The following PCDHGA2 variants were observed in gnomAD, a reference collection of about 807,000 sequenced individuals.
PCDHGA2 encodes the protein protocadherin gamma subfamily A, 2.
In PCDHGA2, 40 loss-of-function variants were observed where a neutral mutation model predicts 59.2. That is an observed-to-expected ratio of 0.68 (90% confidence interval 0.52 to 0.88). PCDHGA2 has a LOEUF of 0.88. PCDHGA2 is among the 40% of genes least tolerant of loss of function. PCDHGA2 has a pLI of 0.00. For synonymous variants in PCDHGA2, 560 were observed against 526.0 expected (o/e 1.06, Z -0.89); for missense variants, 1,226 against 1,204.0 (o/e 1.02, Z -0.27).
chr5:141,414,148 G>A, intron 1 of PCDHGA2: 1 of 1,598,900 alleles, frequency 6.3e-7, no homozygotes, highest in Non-Finnish European at 8.5e-7. Flanking sequence ...AGAAATACAA[G>A]CAGAAGATGG....
chr5:141,393,657 C>G, intron 1 of PCDHGA2: 1 of 1,613,862 alleles, frequency 6.2e-7, no homozygotes, highest in Non-Finnish European at 8.5e-7. Context: ...ATACAAATTC[C>G]GGAAAATTAA....
At position 141,433,110 on chromosome 5, in the gene PCDHGA2, G is replaced by A. The variant is rs1031253372; in HGVS notation, c.2425-61697G>A. On this transcript the variant is annotated intron_variant, in intron 1 of 3. Coordinates refer to ENST00000394576, the MANE Select transcript of PCDHGA2 (RefSeq NM_018915.4). Reference sequence around the variant, plus strand: ...GCAGACATGCTCGTCAGCCAGGAGAGCTTTGAAAAAAGCGAGCCCCTTTTG... The same window carrying A: ...GCAGACATGCTCGTCAGCCAGGAGAACTTTGAAAAAAGCGAGCCCCTTTTG... 3.1e-6 allele frequency: 5 copies of A among 1,613,982 alleles called. No homozygotes were observed. The African/African-American group carries it at 5.3e-5, about 17-fold the overall frequency.
At position 141,476,112 on chromosome 5, in the gene PCDHGA2, G is replaced by A. The variant is rs1201449171; in HGVS notation, c.2425-18695G>A. 2.5e-6 allele frequency: 4 copies of A among 1,590,646 alleles called. No homozygotes were observed. Among genetic ancestry groups the A allele is most frequent in the Non-Finnish European group, 2.6e-6 (3 of 1,170,830 alleles). ...CCCCGCTGAGAGGAACTGCTTTTGA[G>A]TGAGATGGTCCCAGAGGCCTGGAGG... On this transcript the variant is annotated intron_variant, in intron 1 of 3. Transcript: ENST00000394576. The surrounding 1 kb of genome is among the most constrained non-coding windows in gnomAD (Gnocchi z 7.6).
At chr5:141,394,955 C>A (rs2093135329) in intron 1 of PCDHGA2, 11 of 1,613,878 alleles carry the variant, frequency 6.8e-6, no homozygotes, top group Non-Finnish European at 8.5e-6. Context: ...TTCTGGGGCT[C>A]AGGCTGAGGC....
At chr5:141,468,652 G>A (rs1206892693) in intron 1 of PCDHGA2, 2 of 149,062 alleles carry the variant, frequency 1.3e-5, no homozygotes, top group African/African-American at 2.5e-5. Context: ...GGATCACAAG[G>A]TCAGGAGATC....
At chr5:141,389,903 C>T in intron 1 of PCDHGA2, 1 of 1,614,092 alleles carries the variant, frequency 6.2e-7, no homozygotes, top group Non-Finnish European at 8.5e-7. Context: ...TGCCGGATAT[C>T]ACTGACCGCC....
intron 1 of PCDHGA2, chr5:141,423,483 A>G (rs767321755): frequency 1.9e-6 from 3 of 1,613,974 alleles, no homozygotes; most frequent in Middle Eastern, 3.3e-4. Flanking sequence ...CTTTCCTGCA[A>G]ACCTATTCCC....
intron 1 of PCDHGA2, chr5:141,376,390 T>C (rs776058989): frequency 1.0e-4 from 166 of 1,614,188 alleles, no homozygotes; most frequent in Middle Eastern, 1.6e-4. Flanking sequence ...GTCATCTGAT[T>C]TTCCCCCAGC....
intron 1 of PCDHGA2, chr5:141,427,514 G>A (rs1193674497): frequency 1.7e-6 from 1 of 595,712 alleles, no homozygotes; most frequent in Non-Finnish European, 3.2e-6. Context: ...CCCTGGATTG[G>A]GAGCGGATCC....
chr5:141,400,175 A>G (rs374505357), intron 1 of PCDHGA2: 1 of 1,613,918 alleles, frequency 6.2e-7, no homozygotes, highest in Non-Finnish European at 8.5e-7. Flanking sequence ...CCCCAGGCTG[A>G]GCTGCAGTTT....
intron 1 of PCDHGA2, chr5:141,352,608 T>C (rs1434961071): frequency 1.2e-6 from 2 of 1,613,510 alleles, no homozygotes; most frequent in East Asian, 2.2e-5. Context: ...GATCCTTCTA[T>C]GGTTGTATGT....
At chr5:141,381,826 C>CTTTTTTTTTTTTTTTT (rs770630741) in intron 1 of PCDHGA2, among the ~76,000 whole-genome samples, 8 of 74,282 alleles carry the variant, frequency 1.1e-4, no homozygotes, top group African/African-American at 1.9e-4. Flanking sequence ...CTTTCTTCTT[C>CTTTTTTTTTTTTTTTT]TTTTTTTTTT....
intron 1 of PCDHGA2, chr5:141,478,773 T>C (rs975950601): frequency 1.3e-6 from 2 of 1,496,766 alleles, no homozygotes; most frequent in African/African-American, 2.8e-5. Context: ...GACTCATCTG[T>C]GGACCTAATT....
intron 1 of PCDHGA2, chr5:141,382,935 A>G: frequency 6.3e-7 from 1 of 1,589,148 alleles, no homozygotes; most frequent in Admixed American, 1.7e-5. Flanking sequence ...ACTACAGAGG[A>G]TTCTTCCTGC....
chr5:141,399,584 C>A (rs765946308), intron 1 of PCDHGA2: 34 of 1,613,904 alleles, frequency 2.1e-5, no homozygotes, highest in Non-Finnish European at 2.6e-5. Context: ...GTCTCCTACT[C>A]TATCATGGCC....
chr5:141,384,412 G>T lies in PCDHGA2; in HGVS notation c.2424+43017G>T, dbSNP rs776239248. The T allele has an allele frequency of 9.9e-6, 16 of 1,613,894 alleles. 1 individual carries two copies. The Middle Eastern group carries it at 2.3e-3, about 233-fold the overall frequency. ...CCAGGGGGCTCCAGTGTCCTCCTAT[G>T]TCTCCATAAACTCTGACACTGGAGT... On this transcript the variant is annotated intron_variant, in intron 1 of 3. Transcript: ENST00000394576.
intron 1 of PCDHGA2, among the ~76,000 whole-genome samples, chr5:141,387,387 G>C (rs2090926240): frequency 6.6e-6 from 1 of 152,214 alleles, no homozygotes; most frequent in Non-Finnish European, 1.5e-5. Context: ...TATATAGATA[G>C]TGCATGTTTG....
chr5:141,360,690 T>C (rs747739176), intron 1 of PCDHGA2: 5 of 1,613,954 alleles, frequency 3.1e-6, no homozygotes, highest in Non-Finnish European at 4.2e-6. Flanking sequence ...AGAAACAGAC[T>C]CCAGATGGTC....
In PCDHGA2 at chr5:141,485,961, A is replaced by C. The variant is rs766687554; in HGVS notation, c.2425-8846A>C. ...GCACCAGCGGGCATGGTGCTCATCC[A>C]GCTCAATGCCTCAGACCCGGACCTG... On this transcript the variant is annotated intron_variant, in intron 1 of 3. Coordinates refer to ENST00000394576, the MANE Select transcript of PCDHGA2 (RefSeq NM_018915.4). The surrounding 1 kb of genome is among the most constrained non-coding windows in gnomAD (Gnocchi z 5.7). 6.2e-7 allele frequency: 1 copy of C among 1,614,204 alleles called. No homozygotes were observed. The highest frequency in any genetic ancestry group is 1.1e-5 in the South Asian group (1 of 91,090).
Sources: gnomAD v4.1 joint callset for allele counts (sites outside exome capture counted in the v4.1 genomes callset) on GRCh38, gnomAD v4.1.1 for gene constraint, Gnocchi (gnomAD v3.1) non-coding constraint, MANE v1.5 for transcripts, NCBI Gene and HGNC (gene_info 2026-07-23, HGNC 2026-07-21) for gene names.